Variants in WDFY3 observed in about 807,000 individuals in gnomAD.
WDFY3 encodes the protein WD repeat and FYVE domain containing 3.
WDFY3 carries 66 observed loss-of-function variants against 409.6 expected under a neutral mutation model. That is an observed-to-expected ratio of 0.16 (90% CI 0.13 to 0.20). The LOEUF (loss-of-function observed/expected upper bound fraction) is 0.20, where lower values mean the gene tolerates loss of function less well. WDFY3 is among the 10% of genes least tolerant of loss of function. The probability of loss-of-function intolerance (pLI) is 1.00; values close to 1 mark genes in which losing one functional copy is unlikely to be tolerated. For missense variants in WDFY3, 3,031 were observed against 4,298.1 expected (o/e 0.71, Z 8.24); for synonymous variants, 1,521 against 1,537.1 (o/e 0.99, Z 0.25).
intron 29 of WDFY3, among the ~76,000 whole-genome samples, chr4:84,773,490 G>GA (rs1189491345): frequency 2.0e-5 from 3 of 152,066 alleles, no homozygotes; most frequent in Admixed American, 2.0e-4. Flanking sequence ...AACAGGAGAA[G>GA]AAAAAACATC....
chr4:84,791,277 T>C (rs1748476181), intron 21 of WDFY3, among the ~76,000 whole-genome samples: 1 of 152,216 alleles, frequency 6.6e-6, no homozygotes, highest in Admixed American at 6.5e-5. Flanking sequence ...AAGGACATTA[T>C]GCTAAATGAA....
intron 10 of WDFY3, 88 bp from the exon 11 acceptor site, chr4:84,821,639 T>C (rs957073088): frequency 9.1e-7 from 1 of 1,102,972 alleles, no homozygotes; most frequent in African/African-American, 1.6e-5. Context: ...TCATGAATTA[T>C]AACATTTATC....
chr4:84,674,893 GAT>G (rs767907203), intron 67 of WDFY3, among the ~76,000 whole-genome samples: 2 of 150,070 alleles, frequency 1.3e-5, no homozygotes. Context: ...AAAAATAAAA[GAT>G]ATATATATAT....
At chr4:84,709,909 T>A (rs1266294894) in intron 51 of WDFY3, among the ~76,000 whole-genome samples, 1 of 152,166 alleles carries the variant, frequency 6.6e-6, no homozygotes, top group Non-Finnish European at 1.5e-5. Flanking sequence ...GTATTTTTAG[T>A]AGAGGCATGG....
chr4:84,712,944 G>T (rs1472414278), intron 51 of WDFY3, among the ~76,000 whole-genome samples: 1 of 152,132 alleles, frequency 6.6e-6, no homozygotes, highest in East Asian at 1.9e-4. Context: ...ATGCTTTAAA[G>T]AACAGAAGGT....
In WDFY3 at chr4:84,679,061, G is replaced by A. The variant is rs146918048; in HGVS notation, c.10005C>T (p.Ser3335=). 3.8e-5 allele frequency: 61 copies of A among 1,614,220 alleles called. No homozygotes were observed. The highest frequency in any genetic ancestry group is 1.2e-4 in the African/African-American group (9 of 75,052). ...DSGSDDSRRW[S]DQLSLDEKDG... is the part of the protein sequence containing the mutation. ...CTTTCTCATCTAGACTGAGCTGGTC[G>A]GACCAGCGTCTGGAGTCGTCAGAGC... Residue 3335 remains serine (S), a synonymous_variant, in exon 65 of 68, where the codon TCC becomes TCT. Transcript: ENST00000295888.
chr4:84,738,888 T>C (rs1270221994), intron 40 of WDFY3, 122 bp downstream of exon 40: 3 of 825,758 alleles, frequency 3.6e-6, no homozygotes, highest in Admixed American at 4.3e-5. Context: ...TATGTATAGG[T>C]TGCCCTACTG....
rs1354970499 is a variant in WDFY3, at chr4:84,740,172, A to G, written c.6464+15T>C. 1.2e-6 allele frequency: 2 copies of G among 1,613,166 alleles called. No homozygotes were observed. On this transcript the variant is annotated intron_variant, in intron 39 of 67. Coordinates refer to ENST00000295888, the MANE Select transcript of WDFY3 (RefSeq NM_014991.6). ...AGCCAAATTTAACATGGCAAACTGAACCTAAAGGATTTACCTTCCAACATG... is the reference window on the plus strand; with the variant it reads ...AGCCAAATTTAACATGGCAAACTGAGCCTAAAGGATTTACCTTCCAACATG...
At chr4:84,868,834 G>T (rs183847098) in intron 3 of WDFY3, among the ~76,000 whole-genome samples, 1 of 152,112 alleles carries the variant, frequency 6.6e-6, no homozygotes, top group Non-Finnish European at 1.5e-5. Context: ...AGGCAGTTAG[G>T]TTACTTGGTA....
At chr4:84,817,812 C>T (rs1467290057) in intron 12 of WDFY3, among the ~76,000 whole-genome samples, 1 of 152,100 alleles carries the variant, frequency 6.6e-6, no homozygotes, top group South Asian at 2.1e-4. Flanking sequence ...AAGATTAATG[C>T]CGTGATATGT....
chr4:84,728,294 C>T (rs185113126), intron 44 of WDFY3, among the ~76,000 whole-genome samples: 63 of 152,110 alleles, frequency 4.1e-4, no homozygotes, highest in African/African-American at 1.3e-3. Flanking sequence ...TTTGGGAGGC[C>T]GAGGTGGGTG....
chr4:84,841,872 T>A (rs1757401827), intron 5 of WDFY3, among the ~76,000 whole-genome samples: 1 of 152,082 alleles, frequency 6.6e-6, no homozygotes. Context: ...AGACTATTAA[T>A]CTAGTAGTAA....
At chr4:84,701,700 A>C (rs1731094867) in intron 56 of WDFY3, among the ~76,000 whole-genome samples, 1 of 152,214 alleles carries the variant, frequency 6.6e-6, no homozygotes, top group Non-Finnish European at 1.5e-5. Context: ...AGATAATATA[A>C]AAACAGCACT....
intron 67 of WDFY3, among the ~76,000 whole-genome samples, chr4:84,674,112 C>G (rs1489419505): frequency 6.6e-6 from 1 of 152,214 alleles, no homozygotes; most frequent in Non-Finnish European, 1.5e-5. Flanking sequence ...CCTGCTTCAT[C>G]AGAACTTATC....
intron 27 of WDFY3, 116 bp from the exon 28 acceptor site, chr4:84,775,254 T>A: frequency 2.2e-6 from 2 of 896,524 alleles, no homozygotes; most frequent in Non-Finnish European, 1.6e-6. Context: ...TATTATCTTG[T>A]AAAGTTCTAT....
intron 3 of WDFY3, among the ~76,000 whole-genome samples, chr4:84,885,853 T>G (rs1002603499): frequency 6.6e-6 from 1 of 152,032 alleles, no homozygotes; most frequent in Admixed American, 6.6e-5. Flanking sequence ...GTTTGGAATC[T>G]TGCATTCCTC....
Position 84,690,515 on chromosome 4 carries a change from G to C in WDFY3, c.9354C>G (p.Thr3118=). ...GTSKEKAKTV[T]LKQALLGHTD... ...CTATGTTCTCTCTTACCTGTTTGAG[G>C]GTGACGGTCTTGGCCTTTTCTTTGG... Residue 3118 remains threonine (T), a synonymous_variant, in exon 61 of 68, where the codon ACC becomes ACG. Coordinates refer to ENST00000295888, the MANE Select transcript of WDFY3 (RefSeq NM_014991.6). 1.2e-6 allele frequency: 2 copies of C among 1,614,024 alleles called. No individual in the cohort carries two copies. Among genetic ancestry groups the C allele is most frequent in the Non-Finnish European group, 1.7e-6 (2 of 1,179,992 alleles).
At chr4:84,702,073 T>C (rs552240586) in intron 56 of WDFY3, among the ~76,000 whole-genome samples, 2 of 152,174 alleles carry the variant, frequency 1.3e-5, no homozygotes, top group Non-Finnish European at 2.9e-5. Context: ...CAGTTCACGA[T>C]CTCAGCTCAC....
chr4:84,755,047 G>A (rs1741200333), intron 34 of WDFY3, among the ~76,000 whole-genome samples: 1 of 152,140 alleles, frequency 6.6e-6, no homozygotes, highest in Non-Finnish European at 1.5e-5. Flanking sequence ...AGTACCAGAG[G>A]TGAGATTTTA....
Sources: allele counts gnomAD v4.1 joint callset (sites outside exome capture counted in the v4.1 genomes callset), GRCh38; gene constraint gnomAD v4.1.1; transcripts MANE v1.5; gene names NCBI Gene and HGNC (gene_info 2026-07-23, HGNC 2026-07-21).